Variants in KSR1 observed in about 807,000 individuals in gnomAD.
KSR1 encodes the protein kinase suppressor of ras.
A neutral mutation model predicts 92.9 loss-of-function variants in KSR1; 35 were observed. The observed-to-expected ratio is 0.38, with a 90% confidence interval of 0.29 to 0.50. KSR1 has a LOEUF of 0.50. KSR1 is among the 20% of genes least tolerant of loss of function. KSR1 has a pLI of 0.94. For synonymous variants in KSR1, 467 were observed against 472.6 expected (o/e 0.99, Z 0.15); for missense variants, 972 against 1,158.5 (o/e 0.84, Z 2.34).
At chr17:27,573,873 C>G (rs1332418147) in intron 2 of KSR1, among the ~76,000 whole-genome samples, 1 of 152,180 alleles carries the variant, frequency 6.6e-6, no homozygotes, top group Non-Finnish European at 1.5e-5. Context: ...GCATATTGTT[C>G]TGGCAAATAG....
chr17:27,512,853 A>G (rs1332521086), intron 1 of KSR1, among the ~76,000 whole-genome samples: 1 of 152,218 alleles, frequency 6.6e-6, no homozygotes, highest in Non-Finnish European at 1.5e-5. Context: ...TACACAAAAC[A>G]TAAATGTACA....
At chr17:27,462,501 C>T (rs1008224682) in intron 1 of KSR1, among the ~76,000 whole-genome samples, 4 of 152,170 alleles carry the variant, frequency 2.6e-5, no homozygotes, top group African/African-American at 9.7e-5. Context: ...AATGTCCAGG[C>T]TAGCACATCC....
chr17:27,599,253 A>AGGCTCGGGGCCTCTGTGCTGGAAATTCC (rs2073458308), intron 10 of KSR1, among the ~76,000 whole-genome samples: 1 of 152,230 alleles, frequency 6.6e-6, no homozygotes, highest in African/African-American at 2.4e-5. Flanking sequence ...CAGTAAATAT[A>AGGCTCGGGGCCTCTGTGCTGGAAATTCC]CAGCATAAAA....
intron 10 of KSR1, among the ~76,000 whole-genome samples, chr17:27,599,070 C>T (rs1237743430): frequency 1.3e-5 from 2 of 152,240 alleles, no homozygotes; most frequent in South Asian, 2.1e-4. Context: ...CATCATAGAG[C>T]GCACTTACGT....
chr17:27,616,180 C>G (rs1029026235), intron 18 of KSR1, among the ~76,000 whole-genome samples: 1 of 152,148 alleles, frequency 6.6e-6, no homozygotes, highest in Non-Finnish European at 1.5e-5. Context: ...TTGAAAGCTT[C>G]TGGTAAATTT....
chr17:27,608,807 A>G (rs1028313175), intron 15 of KSR1, among the ~76,000 whole-genome samples: 4 of 152,192 alleles, frequency 2.6e-5, no homozygotes, highest in African/African-American at 9.7e-5. Context: ...CCAGCTGTGC[A>G]TATCCTGACA....
rs929869475 is a variant in KSR1, at chr17:27,623,601, C to A, written c.*209C>A. On this transcript the variant is annotated 3_prime_UTR_variant, in exon 21 of 21. Transcript: ENST00000644974. ...TAAAATGACACCACCAACAACCAAA[C>A]CTGTCATGACAGACAGCAAATGTTT... 1.6e-6 allele frequency: 1 copy of A among 627,484 alleles called. No individual in the cohort carries two copies. 38.9% of individuals were successfully genotyped at this position (627,484 alleles called of 1,614,324 possible). A position where few individuals can be genotyped will look rare whatever the true frequency, so the allele number is the denominator to read the frequency against.
At chr17:27,597,219 A>G (rs1221821629) in intron 9 of KSR1, 49 bp from the exon 10 acceptor site, 2 of 1,542,102 alleles carry the variant, frequency 1.3e-6, no homozygotes, top group South Asian at 2.4e-5. Flanking sequence ...GGTGGGAGGC[A>G]GGTGGGGCCA....
intron 18 of KSR1, 101 bp downstream of exon 18, chr17:27,611,730 G>A: frequency 7.2e-7 from 1 of 1,393,618 alleles, no homozygotes; most frequent in South Asian, 1.3e-5. Flanking sequence ...TGGGGTCGGT[G>A]AGGAGCTCTG....
intron 2 of KSR1, chr17:27,558,003 G>A (rs2071672347): frequency 6.5e-6 from 1 of 152,690 alleles, no homozygotes; most frequent in South Asian, 2.1e-4. Flanking sequence ...TGGATTTTGG[G>A]CAAAGCTTCC....
At chr17:27,504,278 C>A (rs779780147) in intron 1 of KSR1, among the ~76,000 whole-genome samples, 1 of 152,214 alleles carries the variant, frequency 6.6e-6, no homozygotes, top group Non-Finnish European at 1.5e-5. Flanking sequence ...CGCAGTCAGC[C>A]GGCCATTCTT....
intron 1 of KSR1, among the ~76,000 whole-genome samples, chr17:27,457,956 C>A (rs920753675): frequency 2.8e-5 from 4 of 142,396 alleles, no homozygotes; most frequent in African/African-American, 5.2e-5. Context: ...GTCATAAGGC[C>A]CTCTGTGATC....
intron 2 of KSR1, among the ~76,000 whole-genome samples, chr17:27,556,684 A>G (rs1434249189): frequency 1.3e-5 from 2 of 152,240 alleles, no homozygotes; most frequent in Non-Finnish European, 2.9e-5. Context: ...GCGTAGGGCC[A>G]TGCCCACAGA....
intron 1 of KSR1, among the ~76,000 whole-genome samples, chr17:27,477,964 GC>G (rs1379987190): frequency 6.6e-6 from 1 of 152,048 alleles, no homozygotes; most frequent in African/African-American, 2.4e-5. Context: ...GCCAAGGCAG[GC>G]CTTGGCCTCC....
chr17:27,469,767 G>A (rs977928202), intron 1 of KSR1, among the ~76,000 whole-genome samples: 4 of 152,042 alleles, frequency 2.6e-5, no homozygotes, highest in South Asian at 2.1e-4. Flanking sequence ...CTTCCTTTTG[G>A]TCATTTTAGT....
At chr17:27,547,062 C>T (rs1306611964) in intron 1 of KSR1, among the ~76,000 whole-genome samples, 5 of 152,132 alleles carry the variant, frequency 3.3e-5, no homozygotes, top group African/African-American at 7.2e-5. Flanking sequence ...TCTGACTCAG[C>T]GCTCCCTCTC....
chr17:27,512,638 G>A (rs1326614983), intron 1 of KSR1, among the ~76,000 whole-genome samples: 1 of 152,170 alleles, frequency 6.6e-6, no homozygotes, highest in Non-Finnish European at 1.5e-5. Context: ...CAAGAGAATT[G>A]CTTGAACCTG....
At chr17:27,521,520 T>C (rs1319878006) in intron 1 of KSR1, among the ~76,000 whole-genome samples, 1 of 151,940 alleles carries the variant, frequency 6.6e-6, no homozygotes, top group Non-Finnish European at 1.5e-5. Flanking sequence ...GAGCCCTGAC[T>C]TCCCGGGCTC....
At chr17:27,608,807 A>C (rs1028313175) in intron 15 of KSR1, among the ~76,000 whole-genome samples, 1 of 152,192 alleles carries the variant, frequency 6.6e-6, no homozygotes, top group Non-Finnish European at 1.5e-5. Context: ...CCAGCTGTGC[A>C]TATCCTGACA....
Sources: allele counts gnomAD v4.1 joint callset (sites outside exome capture counted in the v4.1 genomes callset), GRCh38; gene constraint gnomAD v4.1.1; transcripts MANE v1.5; gene names NCBI Gene and HGNC (gene_info 2026-07-23, HGNC 2026-07-21).